Variants in UNC13C observed in about 807,000 individuals in gnomAD.
UNC13C encodes protein unc-13 homolog C.
UNC13C carries 174 observed loss-of-function variants against 245.4 expected under a neutral mutation model. The observed-to-expected ratio is 0.71, with a 90% confidence interval of 0.63 to 0.80. The LOEUF is 0.80. Among genes scored for constraint, UNC13C ranks in the 30% least tolerant of loss-of-function variants. The probability of loss-of-function intolerance (pLI) is 0.00; values close to 1 mark genes in which losing one functional copy is unlikely to be tolerated. For missense variants in UNC13C, 2,829 were observed against 2,602.9 expected (o/e 1.09, Z -1.89); for synonymous variants, 992 against 895.1 (o/e 1.11, Z -1.93).
intron 2 of UNC13C, among the ~76,000 whole-genome samples, chr15:54,131,066 G>T (rs759818716): frequency 2.0e-5 from 3 of 152,144 alleles, no homozygotes; most frequent in Middle Eastern, 3.2e-3. Flanking sequence ...GATTTTTACT[G>T]CACTGAAGAT....
Position 54,532,905 on chromosome 15 carries a change from CTTTATT to C in UNC13C, c.5547-7_5547-2del. 1 of 1,463,028 alleles carries C rather than the reference CTTTATT, an allele frequency of 6.8e-7. No homozygotes were observed. Among genetic ancestry groups the C allele is most frequent in the Non-Finnish European group, 9.3e-7 (1 of 1,078,612 alleles). 90.6% of individuals were successfully genotyped at this position (1,463,028 alleles called of 1,614,324 possible). A position where few individuals can be genotyped will look rare whatever the true frequency, so the allele number is the denominator to read the frequency against. On this transcript the variant is annotated splice_region_variant and splice_polypyrimidine_tract_variant and intron_variant, in intron 25 of 32. Transcript: ENST00000260323. ...ATTCTTATATTTTAGAATTTATATT[CTTTATT>C]TTTAGTTTCCAGGTTATAATTGAAG...
chr15:54,201,779 C>G (rs2034531318), intron 4 of UNC13C, among the ~76,000 whole-genome samples: 1 of 151,946 alleles, frequency 6.6e-6, no homozygotes. Context: ...ACCCTCACTA[C>G]TTCTATTCAA....
chr15:54,623,956 T>C lies in UNC13C; in HGVS notation c.6359+2T>C. The C allele has an allele frequency of 6.2e-7, 1 of 1,612,968 alleles. No homozygotes were observed. The highest frequency in any genetic ancestry group is 1.1e-5 in the South Asian group (1 of 91,056). On this transcript the variant is annotated splice_donor_variant, in intron 32 of 32. Coordinates refer to ENST00000260323, the MANE Select transcript of UNC13C (RefSeq NM_001080534.3). LOFTEE classifies it high-confidence loss of function. ...AAAGTACAATGAAACATTTCAGTTG[T>C]AAGTCATAAACCCACCTTACTTATT...
intron 19 of UNC13C, among the ~76,000 whole-genome samples, chr15:54,436,315 T>C (rs1035901647): frequency 6.6e-6 from 1 of 152,120 alleles, no homozygotes; most frequent in Admixed American, 6.6e-5. Context: ...ACTGGTTATA[T>C]ACACAAAGGA....
At chr15:54,108,378 G>A (rs1207915809) in intron 2 of UNC13C, among the ~76,000 whole-genome samples, 6 of 151,958 alleles carry the variant, frequency 3.9e-5, no homozygotes, top group Non-Finnish European at 8.8e-5. Flanking sequence ...TAGTAGAGAC[G>A]GGGTTTCACC....
chr15:54,182,557 G>GT (rs982796555), intron 4 of UNC13C, among the ~76,000 whole-genome samples: 1 of 151,938 alleles, frequency 6.6e-6, no homozygotes, highest in Admixed American at 6.6e-5. Context: ...GTCCTCCTCA[G>GT]TTTTTTGGAA....
At position 54,332,055 on chromosome 15, in the gene UNC13C, A is replaced by G. The variant is rs756539188; in HGVS notation, c.4438A>G (p.Ile1480Val). 40 of 1,580,990 alleles carry G rather than the reference A, an allele frequency of 2.5e-5. No homozygotes were observed. The highest frequency in any genetic ancestry group is 1.7e-4 in the Middle Eastern group (1 of 6,018). ...AATNFGREKF[I>V]KLLDQLHNSL... is the part of the protein sequence containing the mutation. ...TTGCTTTGTACAGAGGGAAAAATTC[A>G]TAAAACTACTGGACCAGTTACATAA... The change falls in exon 15 of 33, where the codon ATA becomes GTA. Residue 1480 changes from isoleucine (I) to valine (V), a missense_variant. By Grantham distance (29) the Ile-to-Val change is conservative. Coordinates refer to ENST00000260323, the MANE Select transcript of UNC13C (RefSeq NM_001080534.3).
rs1895817982 is a variant in UNC13C at position 54,019,877 on chromosome 15, A to T, written c.2983+3991A>T. ...CTGGGATGTTATTTTAAAATGACCA[A>T]TTATTAGCATATTTTCACAGATTAT... On this transcript the variant is annotated intron_variant, in intron 2 of 32. Coordinates refer to ENST00000260323, the MANE Select transcript of UNC13C (RefSeq NM_001080534.3). Among the ~76,000 whole-genome samples the T allele has an allele frequency of 2.0e-5, 3 of 152,176 alleles. No individual in the cohort carries two copies. The South Asian group carries it at 6.2e-4, about 32-fold the overall frequency.
At chr15:54,222,604 T>C (rs2035258868) in intron 4 of UNC13C, among the ~76,000 whole-genome samples, 1 of 152,144 alleles carries the variant, frequency 6.6e-6, no homozygotes, top group South Asian at 2.1e-4. Flanking sequence ...TTTGGGTATA[T>C]ACCTAGCAGT....
chr15:54,298,235 A>C (rs1306013171), intron 12 of UNC13C, among the ~76,000 whole-genome samples: 3 of 152,214 alleles, frequency 2.0e-5, no homozygotes. Flanking sequence ...GAGTGTTAAA[A>C]ATATTGATTG....
At chr15:54,057,781 C>G (rs1013906427) in intron 2 of UNC13C, among the ~76,000 whole-genome samples, 1 of 152,194 alleles carries the variant, frequency 6.6e-6, no homozygotes, top group African/African-American at 2.4e-5. Context: ...ACAGTGCAAT[C>G]AAACTAGAGC....
At chr15:54,227,623 C>A (rs1218455046) in intron 4 of UNC13C, among the ~76,000 whole-genome samples, 1 of 152,226 alleles carries the variant, frequency 6.6e-6, no homozygotes, top group Admixed American at 6.5e-5. Context: ...GCATTCCAGG[C>A]TTGGCTTCAG....
chr15:54,491,191 G>A (rs543036831), intron 19 of UNC13C, among the ~76,000 whole-genome samples: 2 of 152,258 alleles, frequency 1.3e-5, no homozygotes, highest in East Asian at 1.9e-4. Flanking sequence ...TTCTCTTCAT[G>A]TACAAATGCT....
intron 4 of UNC13C, among the ~76,000 whole-genome samples, chr15:54,161,995 G>GTCACA: frequency 6.6e-6 from 1 of 152,020 alleles, no homozygotes; most frequent in Non-Finnish European, 1.5e-5. Context: ...TGTCACAGAG[G>GTCACA]GATTTGTGAT....
intron 19 of UNC13C, among the ~76,000 whole-genome samples, chr15:54,445,043 C>A (rs1385757834): frequency 6.8e-6 from 1 of 148,052 alleles, no homozygotes; most frequent in Non-Finnish European, 1.5e-5. Context: ...TCAATGCCCA[C>A]CTATGAGTGA....
chr15:54,427,451 T>C (rs2040782116), intron 19 of UNC13C, among the ~76,000 whole-genome samples: 1 of 151,800 alleles, frequency 6.6e-6, no homozygotes, highest in Non-Finnish European at 1.5e-5. Flanking sequence ...AGCCTCTTTT[T>C]CTTCCCAGTC....
At chr15:54,210,196 T>A (rs1330063093) in intron 4 of UNC13C, among the ~76,000 whole-genome samples, 1 of 146,358 alleles carries the variant, frequency 6.8e-6, no homozygotes, top group Non-Finnish European at 1.5e-5. Flanking sequence ...CAAAGAAAAC[T>A]TACTATATAT....
intron 17 of UNC13C, among the ~76,000 whole-genome samples, chr15:54,365,293 C>T (rs1048328909): frequency 1.3e-5 from 2 of 152,084 alleles, no homozygotes; most frequent in African/African-American, 4.8e-5. Flanking sequence ...TTGGAAGTCT[C>T]CCTCTCATTT....
At chr15:54,044,709 T>C (rs187039317) in intron 2 of UNC13C, among the ~76,000 whole-genome samples, 9 of 152,250 alleles carry the variant, frequency 5.9e-5, no homozygotes, top group Admixed American at 5.9e-4. Flanking sequence ...ATATTTGAGG[T>C]TTACAACATG....
Sources: allele counts gnomAD v4.1 joint callset (sites outside exome capture counted in the v4.1 genomes callset), GRCh38; gene constraint gnomAD v4.1.1; transcripts MANE v1.5; gene names NCBI Gene and HGNC (gene_info 2026-07-23, HGNC 2026-07-21).